The following DHX30 variants were observed in gnomAD, a reference collection of about 807,000 sequenced individuals.
DHX30 encodes DExH-box helicase 30, also known as ATP-dependent RNA helicase DHX30.
In DHX30, 4 loss-of-function variants were observed where a neutral mutation model predicts 116.9. The observed-to-expected ratio is 0.03, with a 90% confidence interval of 0.02 to 0.08. The LOEUF (loss-of-function observed/expected upper bound fraction) is 0.08. Among genes scored for constraint, DHX30 ranks in the 10% least tolerant of loss-of-function variants. The probability of loss-of-function intolerance (pLI) is 1.00; values close to 1 mark genes in which losing one functional copy is unlikely to be tolerated. For synonymous variants in DHX30, 697 were observed against 651.7 expected (o/e 1.07, Z -1.06); for missense variants, 871 against 1,595.1 (o/e 0.55, Z 7.73).
chr3:47,831,836 CAG>C (rs934641265), intron 6 of DHX30, among the ~76,000 whole-genome samples: 6 of 149,040 alleles, frequency 4.0e-5, no homozygotes, highest in African/African-American at 1.2e-4. Flanking sequence ...CAATTTAAAA[CAG>C]AAAAAAAAGG....
intron 2 of DHX30, among the ~76,000 whole-genome samples, chr3:47,809,002 C>T (rs975861593): frequency 6.6e-6 from 1 of 152,064 alleles, no homozygotes; most frequent in South Asian, 2.1e-4. Flanking sequence ...GATTCTCCTG[C>T]CCCAGCCTCC....
At chr3:47,803,554 G>T (rs1246357617) in intron 1 of DHX30, among the ~76,000 whole-genome samples, 3 of 152,144 alleles carry the variant, frequency 2.0e-5, no homozygotes, top group African/African-American at 7.2e-5. Flanking sequence ...GCCTCGGGAT[G>T]CGCCGTTTCC....
intron 3 of DHX30, chr3:47,817,011 G>A: frequency 1.1e-6 from 1 of 940,026 alleles, no homozygotes; most frequent in Non-Finnish European, 1.3e-6. Context: ...AGAATTTTTT[G>A]AAACAAGAGT....
chr3:47,824,030 C>T (rs2036421175), intron 4 of DHX30, among the ~76,000 whole-genome samples: 1 of 131,020 alleles, frequency 7.6e-6, no homozygotes, highest in South Asian at 2.4e-4. Context: ...TGAGATGGAG[C>T]CTTGCTCTGT....
Position 47,849,289 on chromosome 3 carries a change from T to G in DHX30, c.3027T>G (p.Ser1009Arg). 6.2e-7 allele frequency: 1 copy of G among 1,614,104 alleles called. No homozygotes were observed. Among genetic ancestry groups the G allele is most frequent in the Non-Finnish European group, 8.5e-7 (1 of 1,180,012 alleles). Residue 1009 changes from serine to arginine, a missense_variant, in exon 19 of 22, where the codon AGT becomes AGG. Ser to Arg is a moderately radical substitution (Grantham distance 110). Coordinates refer to ENST00000445061, the MANE Select transcript of DHX30 (RefSeq NM_138615.3). The stretch of plus-strand genomic sequence containing the variant: ...CCTCCGCCCAGTGCAACGAGTACAG[T>G]GAGGAGGAGGAGCTGGTGAAGGGCG... ...TLASAQCNEY[S>R]EEEELVKGVL... is the part of the protein sequence containing the mutation.
Position 47,849,472 on chromosome 3 carries a change from C to A in DHX30, c.3109C>A (p.Arg1037=). ...GCAGGTGAGGCAGGGCAAGGTCACC[C>A]GGCAGGGGAAGTTCAAGCCCAACAG... ...LIQVRQGKVT[R]QGKFKPNSVT... is the part of the protein sequence containing the mutation. The change falls in exon 20 of 22, where the codon CGG becomes AGG. Residue 1037 remains arginine (R), a synonymous_variant. Transcript: ENST00000445061. 1 of 1,576,582 alleles carries A rather than the reference C, an allele frequency of 6.3e-7. No homozygotes were observed. Among genetic ancestry groups the A allele is most frequent in the Admixed American group, 1.7e-5 (1 of 57,592 alleles).
chr3:47,841,896 G>GT lies in DHX30; in HGVS notation c.789+160dup, dbSNP rs1409953766. On this transcript the variant is annotated intron_variant, in intron 8 of 21. Transcript: ENST00000445061. ...CTGCTTGGGAGGAAAAGCAGCAGGT[G>GT]TGATGGAATGGAGGTCAAGCCTCAG... The GT allele has an allele frequency of 2.9e-6, 3 of 1,017,966 alleles. No homozygotes were observed. The African/African-American group carries it at 4.8e-5, about 16-fold the overall frequency. 63.1% of individuals were successfully genotyped at this position (1,017,966 alleles called of 1,614,324 possible). A position where few individuals can be genotyped will look rare whatever the true frequency, so the allele number is the denominator to read the frequency against.
chr3:47,804,115 A>G (rs1489255978), intron 1 of DHX30, among the ~76,000 whole-genome samples: 1 of 152,172 alleles, frequency 6.6e-6, no homozygotes, highest in African/African-American at 2.4e-5. Context: ...GGTTTTAACT[A>G]CATCTTGTAA....
chr3:47,816,651 G>A lies in DHX30; in HGVS notation c.29-1371G>A, dbSNP rs544853186. 4.9e-4 allele frequency: 480 copies of A among 985,390 alleles called. 4 individuals carry two copies. In the South Asian group the frequency reaches 0.014, roughly 29 times the overall value. 61.0% of individuals were successfully genotyped at this position (985,390 alleles called of 1,614,324 possible). On this transcript the variant is annotated intron_variant, in intron 3 of 21. Transcript: ENST00000445061. ...GATTATAGGCGTGAGCCACCGCGCC[G>A]GGCTACAAAGAGCCTTCTAATGTGA...
chr3:47,812,417 G>T (rs889342066), intron 3 of DHX30, among the ~76,000 whole-genome samples: 13 of 150,888 alleles, frequency 8.6e-5, no homozygotes, highest in Admixed American at 6.6e-5. Context: ...AATTAGCTAG[G>T]CGTGGTGGTG....
At chr3:47,843,359 C>A in intron 9 of DHX30, 104 bp downstream of exon 9, 2 of 1,481,260 alleles carry the variant, frequency 1.4e-6, no homozygotes, top group Non-Finnish European at 1.8e-6. Context: ...ACCACCACAG[C>A]AGGCCTTTTG....
chr3:47,831,537 T>C (rs2036848850), intron 6 of DHX30, among the ~76,000 whole-genome samples: 1 of 152,158 alleles, frequency 6.6e-6, no homozygotes, highest in Admixed American at 6.6e-5. Flanking sequence ...CCTCTTCTGG[T>C]TCTTTTCTAT....
chr3:47,835,172 T>G (rs1235998985), intron 6 of DHX30, among the ~76,000 whole-genome samples: 2 of 143,536 alleles, frequency 1.4e-5, no homozygotes, highest in Non-Finnish European at 3.1e-5. Context: ...CCTGGCTAAT[T>G]TTTTTTTTTT....
intron 4 of DHX30, chr3:47,824,785 C>A (rs1273197426): frequency 7.6e-6 from 3 of 394,820 alleles, no homozygotes; most frequent in African/African-American, 6.3e-5. Context: ...CATCTTCCTG[C>A]CTTCCATCCA....
At chr3:47,818,163 G>A in intron 4 of DHX30, 46 bp downstream of exon 4, 1 of 754,368 alleles carries the variant, frequency 1.3e-6, no homozygotes, top group Non-Finnish European at 2.5e-6. Flanking sequence ...TCCAGGGTCT[G>A]TGGGGAGGTG....
rs529504714 is a variant in DHX30 at position 47,804,688 on chromosome 3, A to G, written c.-122-638A>G. On this transcript the variant is annotated intron_variant, in intron 1 of 21. Transcript: ENST00000445061. ...CGTAGTACATTTAGGCAACAGCATAATATCCTGGAAATAAGAAAATTAGCC... is the reference window on the plus strand; with the variant it reads ...CGTAGTACATTTAGGCAACAGCATAGTATCCTGGAAATAAGAAAATTAGCC... 3.9e-5 allele frequency among the ~76,000 whole-genome samples: 6 copies of G among 152,344 alleles called. No homozygotes were observed. In the South Asian group the frequency reaches 1.2e-3, roughly 32 times the overall value.
At position 47,847,111 on chromosome 3, in the gene DHX30, C is replaced by T. The variant is rs1023106655; in HGVS notation, c.1929+110C>T. On this transcript the variant is annotated intron_variant, in intron 11 of 21. Transcript: ENST00000445061. The surrounding 1 kb of genome is among the most constrained non-coding windows in gnomAD (Gnocchi z 5.5). Reference sequence around the variant, plus strand: ...GGGGCAAGTTACCCTCCCCAGTCCTCGGTTTCCTTGATAGAAACTGGGGAC... The same window carrying T: ...GGGGCAAGTTACCCTCCCCAGTCCTTGGTTTCCTTGATAGAAACTGGGGAC... 23 of 1,494,100 alleles carry T rather than the reference C, an allele frequency of 1.5e-5. No homozygotes were observed. Among genetic ancestry groups the T allele is most frequent in the Non-Finnish European group, 1.8e-5 (20 of 1,092,554 alleles). 92.6% of individuals were successfully genotyped at this position (1,494,100 alleles called of 1,614,324 possible).
Position 47,847,837 on chromosome 3 carries a change from G to C in DHX30, c.2167G>C (p.Gly723Arg), listed in dbSNP as rs2037686370. 1 of 1,614,170 alleles carries C rather than the reference G, an allele frequency of 6.2e-7. No homozygotes were observed. The highest frequency in any genetic ancestry group is 8.5e-7 in the Non-Finnish European group (1 of 1,180,036). Residue 723 changes from glycine (G) to arginine (R), a missense_variant, in exon 14 of 22, where the codon GGG (glycine) becomes CGG (arginine). Coordinates refer to ENST00000445061, the MANE Select transcript of DHX30 (RefSeq NM_138615.3). The surrounding 1 kb of genome is among the most constrained non-coding windows in gnomAD (Gnocchi z 5.5). ...GGCCATATTCCAGCAGCCTCCAGTT[G>C]GGGTGCGCAAGATTGTCTTGGCCAC... The part of the protein sequence containing the change: ...QKAIFQQPPV[G>R]VRKIVLATNI...
chr3:47,816,865 AC>A, intron 3 of DHX30: 3 of 985,024 alleles, frequency 3.0e-6, no homozygotes, highest in Non-Finnish European at 3.6e-6. Flanking sequence ...TATAGTGAAC[AC>A]CTTTGTATCT....
Sources: allele counts gnomAD v4.1 joint callset (sites outside exome capture counted in the v4.1 genomes callset), GRCh38; gene constraint gnomAD v4.1.1; non-coding constraint Gnocchi (gnomAD v3.1); transcripts MANE v1.5; gene names NCBI Gene and HGNC (gene_info 2026-07-23, HGNC 2026-07-21).